SCN9A: variants seen among roughly 807,000 people sequenced by gnomAD.
SCN9A encodes sodium channel protein type 9 subunit alpha.
In SCN9A, 131 loss-of-function variants were observed where a neutral mutation model predicts 187.0. The ratio of observed to expected loss-of-function variants is 0.70; its 90% CI spans 0.61 to 0.81. The LOEUF (loss-of-function observed/expected upper bound fraction) is 0.81. Among genes scored for constraint, SCN9A ranks in the 30% least tolerant of loss-of-function variants. The pLI is 0.00. For synonymous variants in SCN9A, 809 were observed against 808.6 expected (o/e 1.00, Z -0.01); for missense variants, 2,252 against 2,396.6 (o/e 0.94, Z 1.26).
At chr2:166,264,038 C>CTGT (rs1449228474) in intron 17 of SCN9A, among the ~76,000 whole-genome samples, 2 of 151,986 alleles carry the variant, frequency 1.3e-5, no homozygotes, top group Admixed American at 6.6e-5. Flanking sequence ...CCGTAAGAAA[C>CTGT]TAATACATCC....
At chr2:166,293,178 A>C in intron 9 of SCN9A, 53 bp downstream of exon 9, 1 of 1,509,720 alleles carries the variant, frequency 6.6e-7, no homozygotes, top group Non-Finnish European at 9.0e-7. Context: ...CTTAACATAC[A>C]CCAGGTACAT....
chr2:166,337,477 A>G (rs898899072), intron 1 of SCN9A, among the ~76,000 whole-genome samples: 1 of 152,130 alleles, frequency 6.6e-6, no homozygotes, highest in Non-Finnish European at 1.5e-5. Flanking sequence ...GTATTTTGAC[A>G]TTGCCCAGGA....
chr2:166,368,853 G>T (rs915707450), intron 1 of SCN9A, among the ~76,000 whole-genome samples: 1 of 151,574 alleles, frequency 6.6e-6, no homozygotes, highest in Non-Finnish European at 1.5e-5. Flanking sequence ...CAGGCGAGGT[G>T]GCTCATGCCT....
chr2:166,368,033 G>A lies in SCN9A; in HGVS notation c.-51+7664C>T, dbSNP rs150725477. Among the ~76,000 whole-genome samples the A allele has an allele frequency of 4.4e-3, 671 of 152,282 alleles. 8 individuals carry two copies. Among genetic ancestry groups the A allele is most frequent in the African/African-American group, 0.015 (641 of 41,558 alleles). ...GAATGCTTGGTAGCGTAACCACCAGGTATATCTGTGTGGGGTATGTGCAAA... is the reference window on the plus strand; with the variant it reads ...GAATGCTTGGTAGCGTAACCACCAGATATATCTGTGTGGGGTATGTGCAAA... On this transcript the variant is annotated intron_variant, in intron 1 of 26. Coordinates refer to ENST00000642356, the MANE Select transcript of SCN9A (RefSeq NM_001365536.1).
intron 1 of SCN9A, among the ~76,000 whole-genome samples, chr2:166,313,781 G>A (rs1699037834): frequency 6.6e-6 from 1 of 152,130 alleles, no homozygotes; most frequent in African/African-American, 2.4e-5. Flanking sequence ...AGTGCAAGAG[G>A]CCTAGATTTT....
chr2:166,355,099 G>A (rs1415899291), intron 1 of SCN9A, among the ~76,000 whole-genome samples: 3 of 141,886 alleles, frequency 2.1e-5, no homozygotes. Context: ...CACTATGTCT[G>A]GCTAATTTTT....
intron 1 of SCN9A, among the ~76,000 whole-genome samples, chr2:166,367,992 T>C (rs1408337144): frequency 6.6e-6 from 1 of 152,220 alleles, no homozygotes; most frequent in African/African-American, 2.4e-5. Context: ...CCATTAAGGG[T>C]TAAACATATT....
intron 17 of SCN9A, among the ~76,000 whole-genome samples, chr2:166,263,998 C>A (rs543877439): frequency 6.6e-6 from 1 of 152,096 alleles, no homozygotes; most frequent in South Asian, 2.1e-4. Flanking sequence ...TTGTTGTAAG[C>A]CACTGAGTTT....
Position 166,278,228 on chromosome 2 carries a change from A to G in SCN9A, c.2429T>C (p.Ile810Thr). The change falls in exon 15 of 27, where the codon ATT becomes ACT. Residue 810 changes from isoleucine (I) to threonine (T), a missense_variant. By Grantham distance (89) the Ile-to-Thr change is moderately conservative (BLOSUM62 -1). This residue lies in a region of SCN9A where 1,013 missense variants were observed against 997.4 expected (regional missense o/e 1.02). Transcript: ENST00000642356. ...PYEYFQVGWNIFDSLIVTLSL... is the reference protein window; with the variant it reads ...PYEYFQVGWNTFDSLIVTLSL... ...TAAAGTCACAATAAGGCTGTCAAAA[A>G]TATTCCAGCCTACTTGGAAATACTC... 2.5e-6 allele frequency: 4 copies of G among 1,612,760 alleles called. No individual in the cohort carries two copies. Among genetic ancestry groups the G allele is most frequent in the Non-Finnish European group, 1.7e-6 (2 of 1,179,270 alleles).
intron 12 of SCN9A, among the ~76,000 whole-genome samples, chr2:166,282,249 G>A (rs1472557811): frequency 6.6e-6 from 1 of 152,074 alleles, no homozygotes; most frequent in African/African-American, 2.4e-5. Context: ...ATAAATTTCT[G>A]GAATTACTTT....
intron 14 of SCN9A, among the ~76,000 whole-genome samples, 175 bp downstream of exon 14, chr2:166,280,182 A>C (rs1421858314): frequency 6.6e-6 from 1 of 152,160 alleles, no homozygotes; most frequent in African/African-American, 2.4e-5. Flanking sequence ...AGTACTGCAC[A>C]ATTATTTTAA....
intron 1 of SCN9A, among the ~76,000 whole-genome samples, chr2:166,329,155 T>C (rs1699436578): frequency 6.6e-6 from 1 of 152,164 alleles, no homozygotes; most frequent in Admixed American, 6.5e-5. Context: ...TTTTTTAAAA[T>C]GCCATCATAA....
intron 23 of SCN9A, among the ~76,000 whole-genome samples, chr2:166,227,450 G>A (rs777426373): frequency 1.2e-4 from 19 of 152,064 alleles, no homozygotes; most frequent in Non-Finnish European, 2.5e-4. Context: ...TAATTTGCCC[G>A]AAGTCAGTTG....
intron 18 of SCN9A, chr2:166,248,369 A>G (rs902987318): frequency 1.3e-5 from 2 of 152,094 alleles, no homozygotes; most frequent in Admixed American, 1.3e-4. Context: ...TTAAGCACCC[A>G]ATGTTCAATC....
At position 166,198,738 on chromosome 2, in the gene SCN9A, C is replaced by G. The variant is rs1164464636; in HGVS notation, c.5901G>C (p.Glu1967Asp). The change falls in exon 27 of 27, where the codon GAG becomes GAC. Residue 1967 changes from glutamate to aspartate, a missense_variant. This residue lies in a region of SCN9A where 345 missense variants were observed against 344.6 expected (regional missense o/e 1.00). Transcript: ENST00000642356. Reference sequence around the variant, plus strand: ...TTTCTGTTCTGTCTTGTTCATATTTCTCTTTGTCTGGCTTTGTTACACTAT... The same window carrying G: ...TTTCTGTTCTGTCTTGTTCATATTTGTCTTTGTCTGGCTTTGTTACACTAT... The part of the protein sequence containing the change: ...SYDSVTKPDK[E>D]KYEQDRTEKE... The G allele has an allele frequency of 1.9e-6, 3 of 1,613,240 alleles. No homozygotes were observed. In the African/African-American group the frequency reaches 4.0e-5, roughly 22 times the overall value.
chr2:166,338,354 C>G (rs956124453), intron 1 of SCN9A, among the ~76,000 whole-genome samples: 36 of 151,834 alleles, frequency 2.4e-4, no homozygotes, highest in Non-Finnish European at 3.7e-4. Flanking sequence ...TTTTTTTTCT[C>G]TTTCGGTGCT....
intron 24 of SCN9A, among the ~76,000 whole-genome samples, chr2:166,209,549 TA>T (rs1244097949): frequency 1.3e-5 from 2 of 151,578 alleles, no homozygotes; most frequent in African/African-American, 2.4e-5. Flanking sequence ...ATAATTGAAC[TA>T]AAAAACTCCC....
intron 1 of SCN9A, among the ~76,000 whole-genome samples, chr2:166,323,153 G>A (rs1031827033): frequency 6.6e-6 from 1 of 152,030 alleles, no homozygotes; most frequent in Non-Finnish European, 1.5e-5. Flanking sequence ...ATTGAATATT[G>A]CTGAACAGGG....
At chr2:166,205,823 A>G (rs1693773588) in intron 24 of SCN9A, among the ~76,000 whole-genome samples, 1 of 152,180 alleles carries the variant, frequency 6.6e-6, no homozygotes, top group African/African-American at 2.4e-5. Flanking sequence ...ACAAGAAAAA[A>G]ACAAACAACT....
Sources: gnomAD v4.1 joint callset for allele counts (sites outside exome capture counted in the v4.1 genomes callset) on GRCh38, gnomAD v4.1.1 for gene constraint, gnomAD v4.1.1 regional missense constraint, MANE v1.5 for transcripts, NCBI Gene and HGNC (gene_info 2026-07-23, HGNC 2026-07-21) for gene names.